The following HPSE2 variants were observed in gnomAD, a reference collection of about 807,000 sequenced individuals.
HPSE2 encodes heparanase 2 (inactive).
Under a neutral mutation model 60.5 loss-of-function variants are expected in HPSE2, and 38 were observed. The ratio of observed to expected loss-of-function variants is 0.63; its 90% CI spans 0.48 to 0.82. The LOEUF (loss-of-function observed/expected upper bound fraction) is 0.82. Among genes scored for constraint, HPSE2 ranks in the 40% least tolerant of loss-of-function variants. The pLI is 0.00. For missense variants in HPSE2, 713 were observed against 740.4 expected, an observed-to-expected ratio of 0.96 and a Z score of 0.43; for synonymous variants, 295 against 293.2, an observed-to-expected ratio of 1.01 and a Z score of -0.06.
intron 3 of HPSE2, among the ~76,000 whole-genome samples, chr10:98,855,241 G>A (rs1334514076): frequency 6.6e-6 from 1 of 152,162 alleles, no homozygotes; most frequent in Non-Finnish European, 1.5e-5. Context: ...ACACCTGGGA[G>A]TCTCACACAC....
At chr10:99,036,496 A>G (rs549611605) in intron 3 of HPSE2, among the ~76,000 whole-genome samples, 22 of 152,330 alleles carry the variant, frequency 1.4e-4, no homozygotes, top group African/African-American at 4.1e-4. Context: ...ATCACTACCT[A>G]AAGAATAAAA....
the HPSE2 span, among the ~76,000 whole-genome samples, chr10:99,264,663 A>G: frequency 1.3e-5 from 2 of 152,032 alleles, no homozygotes; most frequent in Admixed American, 1.3e-4. Context: ...GTTACTCCCA[A>G]TTCTTAGTCC....
intron 2 of HPSE2, among the ~76,000 whole-genome samples, chr10:99,213,372 A>G (rs905714940): frequency 6.6e-6 from 1 of 152,166 alleles, no homozygotes; most frequent in Non-Finnish European, 1.5e-5. Flanking sequence ...GAACCATACA[A>G]TTATTATAGA....
At chr10:98,871,526 C>T (rs1952732117) in intron 3 of HPSE2, among the ~76,000 whole-genome samples, 1 of 151,832 alleles carries the variant, frequency 6.6e-6, no homozygotes, top group Non-Finnish European at 1.5e-5. Context: ...AATTTAATGA[C>T]ATTTAATGGC....
rs1197375534 is a variant in HPSE2, at chr10:98,495,640, A to T, written c.1321-5444T>A. ...TTGAATTTGCTGATTCTCTCTTCTG[A>T]CTGCTCCAATTTGCCTTTGAATTCC... On this transcript the variant is annotated intron_variant, in intron 9 of 11. Coordinates refer to ENST00000370552, the MANE Select transcript of HPSE2 (RefSeq NM_021828.5). 2.0e-5 allele frequency among the ~76,000 whole-genome samples: 3 copies of T among 151,836 alleles called. No homozygotes were observed. In the East Asian group the frequency reaches 5.8e-4, roughly 29 times the overall value.
chr10:98,608,772 A>G (rs1364921893), intron 9 of HPSE2, among the ~76,000 whole-genome samples: 1 of 152,120 alleles, frequency 6.6e-6, no homozygotes, highest in South Asian at 2.1e-4. Context: ...AGCTACCCCT[A>G]AACAGGTACA....
chr10:98,647,389 C>T (rs1218321359), intron 6 of HPSE2, among the ~76,000 whole-genome samples: 3 of 152,188 alleles, frequency 2.0e-5, no homozygotes, highest in Non-Finnish European at 4.4e-5. Flanking sequence ...TATCTGACCC[C>T]TTCTTTTATT....
intron 3 of HPSE2, among the ~76,000 whole-genome samples, chr10:98,877,562 T>C (rs972858197): frequency 6.6e-6 from 1 of 152,034 alleles, no homozygotes; most frequent in Admixed American, 6.6e-5. Context: ...TATCAGTTAA[T>C]GTTTAGTATA....
chr10:98,782,750 T>TTCCC (rs1321527608), intron 3 of HPSE2, among the ~76,000 whole-genome samples: 4 of 105,960 alleles, frequency 3.8e-5, no homozygotes, highest in Non-Finnish European at 8.2e-5. Context: ...GGGCCACTGG[T>TTCCC]AGGGTATGTA....
intron 3 of HPSE2, among the ~76,000 whole-genome samples, chr10:98,806,057 C>G (rs1404910486): frequency 2.6e-5 from 4 of 152,120 alleles, no homozygotes; most frequent in African/African-American, 4.8e-5. Context: ...AGTGCATGGA[C>G]TATTGTTCTC....
chr10:98,658,797 G>A (rs1044158327), intron 6 of HPSE2, among the ~76,000 whole-genome samples: 3 of 151,920 alleles, frequency 2.0e-5, no homozygotes, highest in Non-Finnish European at 4.4e-5. Context: ...AAAATTATTG[G>A]GCCAGAAGAT....
chr10:99,186,364 G>T (rs1848023449), intron 2 of HPSE2, among the ~76,000 whole-genome samples: 1 of 151,802 alleles, frequency 6.6e-6, no homozygotes, highest in African/African-American at 2.4e-5. Context: ...CCAATATGGT[G>T]AAACCCTGTC....
intron 7 of HPSE2, among the ~76,000 whole-genome samples, chr10:98,633,064 G>A (rs1038040186): frequency 1.3e-5 from 2 of 152,176 alleles, no homozygotes; most frequent in East Asian, 1.9e-4. Flanking sequence ...CAAGACCAAC[G>A]CCTCCTCTTT....
At chr10:98,893,294 C>T (rs555822394) in intron 3 of HPSE2, among the ~76,000 whole-genome samples, 2 of 152,062 alleles carry the variant, frequency 1.3e-5, no homozygotes, top group South Asian at 2.1e-4. Context: ...CTCGAACTCC[C>T]GATCTCAGAT....
chr10:98,511,158 GT>G (rs1380570652), intron 9 of HPSE2, among the ~76,000 whole-genome samples: 1 of 141,158 alleles, frequency 7.1e-6, no homozygotes, highest in Non-Finnish European at 1.6e-5. Flanking sequence ...TTTGTTTTTT[GT>G]TTTTTTTTTG....
At chr10:98,522,040 G>A (rs565319651) in intron 9 of HPSE2, among the ~76,000 whole-genome samples, 8 of 152,006 alleles carry the variant, frequency 5.3e-5, no homozygotes, top group East Asian at 1.9e-4. Flanking sequence ...TGCAAATGAC[G>A]AGTTGATGGG....
intron 3 of HPSE2, among the ~76,000 whole-genome samples, chr10:99,079,403 G>A (rs893496651): frequency 3.9e-5 from 6 of 152,140 alleles, no homozygotes; most frequent in African/African-American, 1.4e-4. Context: ...GGTCCCATCA[G>A]CACTCTGAGC....
Position 98,458,478 on chromosome 10 carries a change from T to C in HPSE2, c.*1096A>G, listed in dbSNP as rs1940140476. ...CTAGATTCCCTATTCTCTCCCAAAA[T>C]GGCTAACAAAGTTTTGTTCTAGCTC... On this transcript the variant is annotated 3_prime_UTR_variant, in exon 12 of 12. Coordinates refer to ENST00000370552, the MANE Select transcript of HPSE2 (RefSeq NM_021828.5). The C allele has an allele frequency of 6.6e-6, 1 of 152,202 alleles. No homozygotes were observed. Among genetic ancestry groups the C allele is most frequent in the Non-Finnish European group, 1.5e-5 (1 of 68,038 alleles). The allele number at this position is 152,202 out of a possible 1,614,324, so 9.4% of individuals were successfully genotyped here. A position where few individuals can be genotyped will look rare whatever the true frequency, so the allele number is the denominator to read the frequency against.
chr10:99,027,064 G>C (rs1431864041), intron 3 of HPSE2, among the ~76,000 whole-genome samples: 1 of 151,426 alleles, frequency 6.6e-6, no homozygotes, highest in African/African-American at 2.4e-5. Flanking sequence ...TAAGTATCTA[G>C]AAAAGCAAGA....
Sources: allele counts gnomAD v4.1 joint callset (sites outside exome capture counted in the v4.1 genomes callset), GRCh38; gene constraint gnomAD v4.1.1; transcripts MANE v1.5; gene names NCBI Gene and HGNC (gene_info 2026-07-23, HGNC 2026-07-21).